ZNF282: variants seen among roughly 807,000 people sequenced by gnomAD.
The protein encoded by ZNF282 is zinc finger protein 282.
ZNF282 carries 30 observed loss-of-function variants against 61.9 expected under a neutral mutation model. That is an observed-to-expected ratio of 0.48 (90% CI 0.36 to 0.66). ZNF282 has a LOEUF of 0.66. Ranked by LOEUF, ZNF282 falls within the 30% of genes least tolerant of loss-of-function variation. The pLI, the probability that ZNF282 is intolerant of heterozygous loss-of-function variation, is 0.00. For missense variants in ZNF282, 788 were observed against 941.4 expected, an observed-to-expected ratio of 0.84 and a Z score of 2.13; for synonymous variants, 396 against 405.0, an observed-to-expected ratio of 0.98 and a Z score of 0.27.
Position 149,224,272 on chromosome 7 carries a change from G to A in ZNF282, c.1641G>A (p.Glu547=), listed in dbSNP as rs1441992329. 1 of 1,612,778 alleles carries A rather than the reference G, an allele frequency of 6.2e-7. No individual in the cohort carries two copies. Among genetic ancestry groups the A allele is most frequent in the African/African-American group, 1.3e-5 (1 of 74,832 alleles). Residue 547 remains glutamate (E), a synonymous_variant, in exon 8 of 8, where the codon GAG becomes GAA. Transcript: ENST00000610704. Reference sequence around the variant, plus strand: ...GCCACACCAAGGAGCGGCCCTACGAGTGCGCTGAGTGCGAGAAGAGCTTCA... The same window carrying A: ...GCCACACCAAGGAGCGGCCCTACGAATGCGCTGAGTGCGAGAAGAGCTTCA... ...HRSHTKERPY[E]CAECEKSFNC... is the part of the protein sequence containing the mutation.
At chr7:149,216,480 A>G (rs1275161890) in intron 7 of ZNF282, among the ~76,000 whole-genome samples, 2 of 152,182 alleles carry the variant, frequency 1.3e-5, no homozygotes, top group Non-Finnish European at 2.9e-5. Flanking sequence ...GAGTATCTGG[A>G]AATGGTTCTC....
Position 149,207,355 on chromosome 7 carries a change from G to C in ZNF282, c.717G>C (p.Ala239=). The change falls in exon 4 of 8, where the codon GCG becomes GCC. Residue 239 remains alanine (A), a synonymous_variant. Coordinates refer to ENST00000610704, the MANE Select transcript of ZNF282 (RefSeq NM_003575.4). ...ENYKTLMSLD[A]EGSVPKPDAP... ...CTCCCTCCTCCTCACTTCCAGACGC[G>C]GAGGGCTCAGTCCCCAAGCCAGATG... The C allele has an allele frequency of 1.3e-6, 2 of 1,587,524 alleles. No individual in the cohort carries two copies. The highest frequency in any genetic ancestry group is 2.3e-5 in the East Asian group (1 of 43,646).
intron 2 of ZNF282, among the ~76,000 whole-genome samples, chr7:149,204,134 G>A (rs1357537354): frequency 6.6e-6 from 1 of 152,102 alleles, no homozygotes; most frequent in Non-Finnish European, 1.5e-5. Context: ...TTGGTGGGAG[G>A]CACGTGGTCT....
At chr7:149,201,829 G>A (rs1260539962) in intron 2 of ZNF282, among the ~76,000 whole-genome samples, 20 of 151,936 alleles carry the variant, frequency 1.3e-4, no homozygotes, top group Non-Finnish European at 4.4e-5. Flanking sequence ...TATGGCCCAC[G>A]CTCTCTTCCC....
In ZNF282 at chr7:149,224,615, CGGCA is replaced by C; in HGVS notation, c.1986_1989del (p.Gln663SerfsTer26). 6.5e-7 allele frequency: 1 copy of C among 1,543,016 alleles called. No individual in the cohort carries two copies. The highest frequency in any genetic ancestry group is 8.7e-7 in the Non-Finnish European group (1 of 1,148,912). ...CGGCGGCCCGGGCCCCGGCGCCCCACGGCAGCTCCCGCCGCCTCCTGAGCGAGAC... is the reference window on the plus strand; with the variant it reads ...CGGCGGCCCGGGCCCCGGCGCCCCACGCTCCCGCCGCCTCCTGAGCGAGAC... On this transcript the variant is annotated frameshift_variant, in exon 8 of 8. Transcript: ENST00000610704. LOFTEE classifies it high-confidence loss of function.
intron 1 of ZNF282, among the ~76,000 whole-genome samples, chr7:149,196,924 G>T (rs1585557580): frequency 6.6e-6 from 1 of 152,234 alleles, no homozygotes; most frequent in Non-Finnish European, 1.5e-5. Context: ...GGTCTGCCCA[G>T]ATCGCCCCAA....
intron 7 of ZNF282, among the ~76,000 whole-genome samples, chr7:149,218,996 A>G (rs1796198628): frequency 2.0e-5 from 3 of 152,240 alleles, no homozygotes; most frequent in Admixed American, 1.3e-4. Flanking sequence ...AGCATTGCCA[A>G]CCAGGGAAGT....
At chr7:149,213,046 G>T (rs1342814849) in intron 6 of ZNF282, among the ~76,000 whole-genome samples, 6 of 152,174 alleles carry the variant, frequency 3.9e-5, no homozygotes, top group Non-Finnish European at 1.5e-5. Flanking sequence ...ATTCAGGGAG[G>T]CATAAAAGAA....
At chr7:149,205,302 G>T (rs907217504) in intron 2 of ZNF282, among the ~76,000 whole-genome samples, 1 of 151,998 alleles carries the variant, frequency 6.6e-6, no homozygotes, top group African/African-American at 2.4e-5. Context: ...GCCGGGCGTG[G>T]TGGCAAGCGC....
intron 2 of ZNF282, among the ~76,000 whole-genome samples, chr7:149,204,117 G>T (rs1202412): frequency 0.83 from 126,386 of 151,974 alleles, 53,222 homozygotes; most frequent in East Asian, 0.97. Flanking sequence ...GCTCACTCAC[G>T]TACCTGTTGG....
Position 149,213,731 on chromosome 7 carries a change from C to T in ZNF282, c.1097C>T (p.Ser366Leu). The change falls in exon 7 of 8, where the codon TCA becomes TTA. Residue 366 changes from serine to leucine, a missense_variant. Around this residue, in one of 3 missense-constraint regions of ZNF282, gnomAD observed 559 missense variants for 642.0 expected, o/e 0.87. Coordinates refer to ENST00000610704, the MANE Select transcript of ZNF282 (RefSeq NM_003575.4). ...CTCATCTCAGCACATGACATTTTGT[C>T]ATGGATCAAGCAGGAGGAGCAGCCA... ...ESLISAHDIL[S>L]WIKQEEQPYP... 6.2e-7 allele frequency: 1 copy of T among 1,613,842 alleles called. No homozygotes were observed. The highest frequency in any genetic ancestry group is 8.5e-7 in the Non-Finnish European group (1 of 1,179,926).
At position 149,226,228 on chromosome 7, in the gene ZNF282, A is replaced by G. The variant is rs990927646; in HGVS notation, c.*1581A>G. The G allele has an allele frequency of 1.3e-5, 2 of 152,144 alleles. No homozygotes were observed. Among genetic ancestry groups the G allele is most frequent in the African/African-American group, 2.4e-5 (1 of 41,384 alleles). The allele number at this position is 152,144 out of a possible 1,614,324, so 9.4% of individuals were successfully genotyped here. A position where few individuals can be genotyped will look rare whatever the true frequency, so the allele number is the denominator to read the frequency against. On this transcript the variant is annotated 3_prime_UTR_variant, in exon 8 of 8. Coordinates refer to ENST00000610704, the MANE Select transcript of ZNF282 (RefSeq NM_003575.4). ...CCAGCTTGCCTACAGTAAAGCCTCA[A>G]TGAACTGGAATCCAATTCAATGGGG...
chr7:149,215,592 C>T (rs1585571957), intron 7 of ZNF282, among the ~76,000 whole-genome samples: 2 of 152,138 alleles, frequency 1.3e-5, no homozygotes, highest in Non-Finnish European at 2.9e-5. Flanking sequence ...CTCAGGCAAG[C>T]GGATCACACT....
rs191082545 is a variant in ZNF282 at position 149,197,422 on chromosome 7, C to T, written c.166-911C>T. 2.3e-3 allele frequency among the ~76,000 whole-genome samples: 349 copies of T among 152,296 alleles called. 2 individuals carry two copies. The highest frequency in any genetic ancestry group is 5.7e-3 in the African/African-American group (237 of 41,580). ...CTTTTCTGCCCTAGCTTGGGCTCTC[C>T]GGTCTTTTCCTTGACTGCAGCCCTG... On this transcript the variant is annotated intron_variant, in intron 1 of 7. Transcript: ENST00000610704.
chr7:149,211,133 C>T (rs1412353393), intron 5 of ZNF282, among the ~76,000 whole-genome samples: 1 of 152,218 alleles, frequency 6.6e-6, no homozygotes, highest in African/African-American at 2.4e-5. Flanking sequence ...TGCCAGGCAC[C>T]TACATACCTG....
chr7:149,223,136 G>T (rs866682155), intron 7 of ZNF282, among the ~76,000 whole-genome samples: 2 of 151,478 alleles, frequency 1.3e-5, no homozygotes, highest in Non-Finnish European at 2.9e-5. Flanking sequence ...CACCACTCCC[G>T]GCTAATTTTG....
rs2129523851 is a variant in ZNF282, at chr7:149,225,827, G to A, written c.*1180G>A. ...GCTCCACACCCTGCAGGCGCCTCGGGAAGCGCCCAAAGGATTCCCCTTCAC... is the reference window on the plus strand; with the variant it reads ...GCTCCACACCCTGCAGGCGCCTCGGAAAGCGCCCAAAGGATTCCCCTTCAC... On this transcript the variant is annotated 3_prime_UTR_variant, in exon 8 of 8. Coordinates refer to ENST00000610704, the MANE Select transcript of ZNF282 (RefSeq NM_003575.4). The A allele has an allele frequency of 6.5e-6, 1 of 152,838 alleles. No homozygotes were observed. The highest frequency in any genetic ancestry group is 2.1e-4 in the South Asian group (1 of 4,828). 9.5% of individuals were successfully genotyped at this position (152,838 alleles called of 1,614,324 possible). A position where few individuals can be genotyped will look rare whatever the true frequency, so the allele number is the denominator to read the frequency against.
intron 2 of ZNF282, among the ~76,000 whole-genome samples, chr7:149,200,471 A>G (rs532150921): frequency 2.0e-5 from 3 of 151,932 alleles, no homozygotes; most frequent in Non-Finnish European, 4.4e-5. Context: ...TTGTTTGCCA[A>G]TTTTGCCTCC....
At chr7:149,195,815 C>A (rs915479370) in intron 1 of ZNF282, 61 bp downstream of exon 1, 63 of 1,339,736 alleles carry the variant, frequency 4.7e-5, no homozygotes, top group Non-Finnish European at 5.8e-5. Flanking sequence ...CGGGCTGGGC[C>A]GCGGGACCGG....
Sources: allele counts gnomAD v4.1 joint callset (sites outside exome capture counted in the v4.1 genomes callset), GRCh38; gene constraint gnomAD v4.1.1; regional missense constraint gnomAD v4.1.1; transcripts MANE v1.5; gene names NCBI Gene and HGNC (gene_info 2026-07-23, HGNC 2026-07-21).